The following FER variants were observed in gnomAD, a reference collection of about 807,000 sequenced individuals.
FER encodes the protein tyrosine-protein kinase Fer.
FER carries 63 observed loss-of-function variants against 111.0 expected under a neutral mutation model. That is an observed-to-expected ratio of 0.57 (90% CI 0.46 to 0.70). FER has a LOEUF of 0.70. FER is among the 30% of genes least tolerant of loss of function. The probability of loss-of-function intolerance (pLI) is 0.00; values close to 1 mark genes in which losing one functional copy is unlikely to be tolerated. For missense variants in FER, 914 were observed against 954.0 expected (o/e 0.96, Z 0.55); for synonymous variants, 327 against 313.9 (o/e 1.04, Z -0.44).
intron 10 of FER, among the ~76,000 whole-genome samples, chr5:108,934,680 C>T (rs563897095): frequency 6.6e-6 from 1 of 152,244 alleles, no homozygotes; most frequent in East Asian, 1.9e-4. Flanking sequence ...AGCTACTGCA[C>T]TGTAGGTGTG....
chr5:108,915,954 G>A (rs1561609543), intron 10 of FER, among the ~76,000 whole-genome samples: 1 of 152,032 alleles, frequency 6.6e-6, no homozygotes, highest in Non-Finnish European at 1.5e-5. Context: ...TCCCCTGCTT[G>A]ACACAGGGTA....
intron 11 of FER, among the ~76,000 whole-genome samples, chr5:108,947,114 T>A (rs918445171): frequency 1.3e-5 from 2 of 152,070 alleles, no homozygotes; most frequent in African/African-American, 4.8e-5. Flanking sequence ...CATTTGGTTG[T>A]TTCAGCTTGT....
At chr5:108,889,595 T>G (rs1205957408) in intron 9 of FER, among the ~76,000 whole-genome samples, 2 of 151,880 alleles carry the variant, frequency 1.3e-5, no homozygotes, top group Non-Finnish European at 2.9e-5. Context: ...GACCTGATAT[T>G]TGATAGCACA....
At chr5:109,121,978 CT>C (rs1318235051) in intron 17 of FER, among the ~76,000 whole-genome samples, 1 of 151,718 alleles carries the variant, frequency 6.6e-6, no homozygotes, top group East Asian at 1.9e-4. Flanking sequence ...TGTGTCTTCT[CT>C]TTTTTTCTTA....
chr5:108,786,511 C>A (rs774414764), intron 2 of FER, among the ~76,000 whole-genome samples: 12 of 151,840 alleles, frequency 7.9e-5, no homozygotes, highest in Non-Finnish European at 5.9e-5. Context: ...TGTGTTTTTT[C>A]TTTTTTTGAG....
chr5:108,932,485 T>A (rs561240787), intron 10 of FER, among the ~76,000 whole-genome samples: 1 of 152,314 alleles, frequency 6.6e-6, no homozygotes, highest in African/African-American at 2.4e-5. Context: ...TAAACATACA[T>A]TTGCATGTGT....
intron 13 of FER, among the ~76,000 whole-genome samples, chr5:109,018,920 C>G (rs1030500717): frequency 2.0e-5 from 3 of 151,494 alleles, no homozygotes; most frequent in African/African-American, 7.3e-5. Context: ...GTGGGTAGTA[C>G]TGCTGTTGAG....
chr5:108,925,709 G>A (rs1023217579), intron 10 of FER, among the ~76,000 whole-genome samples: 3 of 151,952 alleles, frequency 2.0e-5, no homozygotes, highest in Non-Finnish European at 4.4e-5. Flanking sequence ...ATACATACAC[G>A]ATTCTTGCTT....
chr5:108,989,440 A>G lies in FER; in HGVS notation c.1656+30093A>G, dbSNP rs527973063. On this transcript the variant is annotated intron_variant, in intron 13 of 19. Coordinates refer to ENST00000281092, the MANE Select transcript of FER (RefSeq NM_005246.4). Reference sequence around the variant, plus strand: ...TATTAAGAAATATTAAGAATCATTAAGAAATACTAAGTTCCAAAAAATATT... The same window carrying G: ...TATTAAGAAATATTAAGAATCATTAGGAAATACTAAGTTCCAAAAAATATT... 7.2e-5 allele frequency among the ~76,000 whole-genome samples: 11 copies of G among 152,194 alleles called. No individual in the cohort carries two copies. In the East Asian group the frequency reaches 2.1e-3, roughly 29 times the overall value.
chr5:108,987,512 G>C (rs1762711817), intron 13 of FER, among the ~76,000 whole-genome samples: 1 of 152,082 alleles, frequency 6.6e-6, no homozygotes, highest in South Asian at 2.1e-4. Context: ...CAGTGGTTAG[G>C]TATATTCCTA....
chr5:108,879,701 A>AAAATAT lies in FER; in HGVS notation c.924-3694_924-3693insAATATA. Among the ~76,000 whole-genome samples the AAAATAT allele has an allele frequency of 1.7e-3, 170 of 99,088 alleles. 3 individuals are homozygous for AAAATAT. The highest frequency in any genetic ancestry group is 7.3e-3 in the African/African-American group (153 of 20,892). 65.0% of individuals were successfully genotyped at this position (99,088 alleles called of 152,430 possible). ...ATGTATTTTTTTTAGATTAAAAAAA[A>AAAATAT]ATATATATATATATATATATATATT... On this transcript the variant is annotated intron_variant, in intron 8 of 19. Transcript: ENST00000281092.
At chr5:109,021,027 ATTTT>A (rs1767852997) in intron 13 of FER, among the ~76,000 whole-genome samples, 1 of 151,964 alleles carries the variant, frequency 6.6e-6, no homozygotes, top group Non-Finnish European at 1.5e-5. Flanking sequence ...AATTCAAGTT[ATTTT>A]AAGTGTTTTG....
At chr5:109,177,805 C>T (rs2126836965) in intron 17 of FER, among the ~76,000 whole-genome samples, 1 of 152,334 alleles carries the variant, frequency 6.6e-6, no homozygotes, top group African/African-American at 2.4e-5. Flanking sequence ...GCTGTTATAT[C>T]CCTCTGCATG....
At chr5:108,935,458 C>T (rs942215535) in intron 10 of FER, among the ~76,000 whole-genome samples, 1 of 152,006 alleles carries the variant, frequency 6.6e-6, no homozygotes, top group Non-Finnish European at 1.5e-5. Context: ...ATGTTGAGAC[C>T]CTTGACTTAA....
intron 1 of FER, among the ~76,000 whole-genome samples, chr5:108,760,180 C>A (rs1315209029): frequency 1.4e-5 from 2 of 142,330 alleles, no homozygotes; most frequent in African/African-American, 5.3e-5. Context: ...TTTTTCTGAG[C>A]AGTAGGTCTG....
intron 1 of FER, among the ~76,000 whole-genome samples, chr5:108,754,160 C>A (rs1342115003): frequency 2.0e-5 from 3 of 151,908 alleles, no homozygotes; most frequent in Non-Finnish European, 4.4e-5. Context: ...CCTGTAATCA[C>A]AGTATTTTGG....
chr5:109,010,601 A>C (rs1489392705), intron 13 of FER, among the ~76,000 whole-genome samples: 1 of 152,178 alleles, frequency 6.6e-6, no homozygotes, highest in East Asian at 1.9e-4. Flanking sequence ...AAGAGAATTC[A>C]TAATCCCTAT....
chr5:108,999,758 T>G (rs1231729167), intron 13 of FER, among the ~76,000 whole-genome samples: 2 of 151,900 alleles, frequency 1.3e-5, no homozygotes, highest in East Asian at 3.9e-4. Flanking sequence ...TGTTACTAGA[T>G]TAGATTATAT....
At chr5:108,823,004 G>C (rs995585332) in intron 3 of FER, among the ~76,000 whole-genome samples, 1 of 151,806 alleles carries the variant, frequency 6.6e-6, no homozygotes, top group African/African-American at 2.4e-5. Flanking sequence ...CTGAGTAGCT[G>C]GGATCACAGG....
Sources: allele counts gnomAD v4.1 joint callset (sites outside exome capture counted in the v4.1 genomes callset), GRCh38; gene constraint gnomAD v4.1.1; transcripts MANE v1.5; gene names NCBI Gene and HGNC (gene_info 2026-07-23, HGNC 2026-07-21).